The following CPAMD8 variants were observed in gnomAD, a reference collection of about 807,000 sequenced individuals.
CPAMD8 encodes the protein C3 and PZP like alpha-2-macroglobulin domain containing 8.
Under a neutral mutation model 224.7 loss-of-function variants are expected in CPAMD8, and 146 were observed. That is an observed-to-expected ratio of 0.65 (90% CI 0.57 to 0.75). The LOEUF (loss-of-function observed/expected upper bound fraction) is 0.75. Among genes scored for constraint, CPAMD8 ranks in the 30% least tolerant of loss-of-function variants. The pLI is 0.00. For synonymous variants in CPAMD8, 966 were observed against 1,044.6 expected (o/e 0.92, Z 1.45); for missense variants, 2,301 against 2,537.5 (o/e 0.91, Z 2.00).
chr19:16,938,082 C>G (rs147312845), intron 23 of CPAMD8, among the ~76,000 whole-genome samples: 1 of 152,186 alleles, frequency 6.6e-6, no homozygotes, highest in South Asian at 2.1e-4. Context: ...CCACCGTGCC[C>G]GGGCAGCCTA....
At chr19:16,914,260 C>T (rs2052845024) in intron 29 of CPAMD8, among the ~76,000 whole-genome samples, 164 bp downstream of exon 29, 2 of 151,964 alleles carry the variant, frequency 1.3e-5, no homozygotes, top group African/African-American at 4.8e-5. Flanking sequence ...TTACAAGAAA[C>T]TGGATGTAAT....
Position 17,022,201 on chromosome 19 carries a change from A to G in CPAMD8, c.93-20T>C, listed in dbSNP as rs762939623. 1.1e-5 allele frequency: 17 copies of G among 1,605,320 alleles called. No individual in the cohort carries two copies. Among genetic ancestry groups the G allele is most frequent in the Non-Finnish European group, 1.4e-5 (16 of 1,175,612 alleles). ...TAACCCCTGCAGGAAAGGAGATCCG[A>G]GGTGAAGTTCTCACCCCAGACCCCT... On this transcript the variant is annotated intron_variant, in intron 1 of 41. Coordinates refer to ENST00000443236, the MANE Select transcript of CPAMD8 (RefSeq NM_015692.5).
chr19:16,927,510 C>G (rs1015072215), intron 25 of CPAMD8, among the ~76,000 whole-genome samples: 1 of 152,078 alleles, frequency 6.6e-6, no homozygotes, highest in Admixed American at 6.5e-5. Context: ...CCTACAGACC[C>G]CCTAAGGCTG....
chr19:16,985,410 GGAAAGAAAGAAAGGAGGAAAAGAA>G (rs2055683477), intron 13 of CPAMD8, among the ~76,000 whole-genome samples: 1 of 147,728 alleles, frequency 6.8e-6, no homozygotes, highest in Admixed American at 6.8e-5. Flanking sequence ...GATGGGTGGA[GGAAAGAAAGAAAGGAGGAAAAGAA>G]GGAGGGAGAG....
intron 1 of CPAMD8, among the ~76,000 whole-genome samples, chr19:17,023,365 C>T (rs988853288): frequency 6.6e-6 from 1 of 152,096 alleles, no homozygotes; most frequent in African/African-American, 2.4e-5. Context: ...CCAGTATCTG[C>T]AGCCTTCCAT....
rs565572619 is a variant in CPAMD8 at position 16,896,312 on chromosome 19, C to T, written c.5290G>A (p.Ala1764Thr). 6.2e-7 allele frequency: 1 copy of T among 1,607,396 alleles called. No individual in the cohort carries two copies. Among genetic ancestry groups the T allele is most frequent in the Admixed American group, 1.7e-5 (1 of 59,372 alleles). ...SCCALEQRLP[A>T]SSSSTYGDDL... ...TCCCCGTAGGTGGAGGACGACGAGG[C>T]CGGCAGCCGCTGCTCTGGAAGGAAG... Residue 1764 changes from alanine to threonine, a missense_variant, in exon 41 of 42, where the codon GCC becomes ACC. By Grantham distance (58) the Ala-to-Thr change is moderately conservative (BLOSUM62 0). Transcript: ENST00000443236.
intron 25 of CPAMD8, among the ~76,000 whole-genome samples, chr19:16,927,532 C>T (rs2053406435): frequency 6.6e-6 from 1 of 152,054 alleles, no homozygotes. Context: ...TTCCAATGTC[C>T]CTAGTCAGAG....
At chr19:17,003,502 A>C (rs977354600) in intron 8 of CPAMD8, among the ~76,000 whole-genome samples, 1 of 151,702 alleles carries the variant, frequency 6.6e-6, no homozygotes, top group Non-Finnish European at 1.5e-5. Flanking sequence ...TGCCTGGCCT[A>C]CAATACTTTT....
chr19:17,026,076 TA>T (rs1157226885), intron 1 of CPAMD8, among the ~76,000 whole-genome samples: 1 of 152,130 alleles, frequency 6.6e-6, no homozygotes. Flanking sequence ...CCCCAGCAGT[TA>T]GTTAATTCAC....
chr19:17,008,677 C>T (rs1248250568), intron 6 of CPAMD8, 118 bp from the exon 7 acceptor site: 1 of 1,152,888 alleles, frequency 8.7e-7, no homozygotes, highest in Non-Finnish European at 1.3e-6. Flanking sequence ...CAGCGAAGGT[C>T]CCAAGATTAA....
chr19:16,918,770 GA>G (rs2053058524), intron 27 of CPAMD8, among the ~76,000 whole-genome samples: 1 of 122,794 alleles, frequency 8.1e-6, no homozygotes, highest in Admixed American at 8.8e-5. Context: ...TTTTTTTTCT[GA>G]ATAGTTTCGA....
Position 17,026,554 on chromosome 19 carries a change from G to A in CPAMD8, c.89C>T (p.Ala30Val). Residue 30 changes from alanine to valine, a missense_variant, in exon 1 of 42, where the codon GCC (alanine) becomes GTC (valine). Coordinates refer to ENST00000443236, the MANE Select transcript of CPAMD8 (RefSeq NM_015692.5). ...RDGVRAAQPQ[A>V]PGYLIAAPSV... ...TCTGTCGCCGGAGGATACTCACGGG[G>A]CCTGAGGCTGCGCGGCGCGCACGCC... is the stretch of plus-strand genomic sequence containing the variant. 6.6e-7 allele frequency: 1 copy of A among 1,519,554 alleles called. No homozygotes were observed. 94.1% of individuals were successfully genotyped at this position (1,519,554 alleles called of 1,614,324 possible). A position where few individuals can be genotyped will look rare whatever the true frequency, so the allele number is the denominator to read the frequency against.
Position 16,989,643 on chromosome 19 carries a change from C to G in CPAMD8, c.1395G>C (p.Gln465His), listed in dbSNP as rs766894795. The G allele has an allele frequency of 6.2e-7, 1 of 1,613,190 alleles. No individual in the cohort carries two copies. The change falls in exon 13 of 42, where the codon CAG (glutamine) becomes CAC (histidine). Residue 465 changes from glutamine (Q) to histidine (H), a missense_variant and splice_region_variant. Physicochemically the swap from Gln to His is conservative, Grantham distance 24 (BLOSUM62 0). This residue lies in a region of CPAMD8 where 301 missense variants were observed against 406.6 expected (regional missense o/e 0.74). Transcript: ENST00000443236. The stretch of plus-strand genomic sequence containing the variant: ...GAAGGGTAGCTCCTGAAAATCTTAC[C>G]TGCAGTGGGTGGGAGGGTGGCTGCA... ...LQLQPPSHPL[Q>H]VGEEAYFSVK...
chr19:16,997,428 T>C (rs1421761872), intron 10 of CPAMD8, 90 bp from the exon 11 acceptor site: 4 of 774,284 alleles, frequency 5.2e-6, no homozygotes, highest in South Asian at 4.7e-5. Flanking sequence ...GGTGCAAGAC[T>C]CTTCAGCTGC....
intron 3 of CPAMD8, among the ~76,000 whole-genome samples, chr19:17,016,582 G>T (rs1035827958): frequency 6.6e-6 from 1 of 152,100 alleles, no homozygotes; most frequent in African/African-American, 2.4e-5. Flanking sequence ...CCAACATGGT[G>T]AAACCCCACC....
Position 16,972,940 on chromosome 19 carries a change from G to A in CPAMD8, c.2071-1907C>T, listed in dbSNP as rs144445842. Among the ~76,000 whole-genome samples the A allele has an allele frequency of 9.3e-3, 1,420 of 152,270 alleles. 28 individuals are homozygous for A. The highest frequency in any genetic ancestry group is 0.032 in the African/African-American group (1,340 of 41,562). On this transcript the variant is annotated intron_variant, in intron 17 of 41. Coordinates refer to ENST00000443236, the MANE Select transcript of CPAMD8 (RefSeq NM_015692.5). ...TCCCAGCACTTCGGGAGGCTAACGC[G>A]GGTGGATCCATTAAGCCCAGGAGTT...
At position 17,004,367 on chromosome 19, in the gene CPAMD8, G is replaced by T; in HGVS notation, c.579C>A (p.Phe193Leu). ...CCAACACAGGCTGGTCGGACAAGGGGAAGCTCATGTTGGTGATGCCTGTGT... is the reference window on the plus strand; with the variant it reads ...CCAACACAGGCTGGTCGGACAAGGGTAAGCTCATGTTGGTGATGCCTGTGT... ...PFCCGITNMS[F>L]PLSDQPVLGE... is the part of the protein sequence containing the mutation. The change falls in exon 8 of 42, where the codon TTC (phenylalanine) becomes TTA (leucine). Residue 193 changes from phenylalanine (F) to leucine (L), a missense_variant. This residue lies in a region of CPAMD8 where 283 missense variants were observed against 340.6 expected (regional missense o/e 0.83). Transcript: ENST00000443236. 2 of 1,612,962 alleles carry T rather than the reference G, an allele frequency of 1.2e-6. No homozygotes were observed. The highest frequency in any genetic ancestry group is 1.7e-6 in the Non-Finnish European group (2 of 1,178,994).
chr19:16,948,015 G>A (rs537459962), intron 20 of CPAMD8, among the ~76,000 whole-genome samples: 1 of 152,202 alleles, frequency 6.6e-6, no homozygotes, highest in South Asian at 2.1e-4. Flanking sequence ...ACTTGTGTGG[G>A]TGCATCATGT....
At position 16,899,916 on chromosome 19, in the gene CPAMD8, G is replaced by GTT. The variant is rs2052182860; in HGVS notation, c.4774-369_4774-368dup. On this transcript the variant is annotated intron_variant, in intron 36 of 41. Coordinates refer to ENST00000443236, the MANE Select transcript of CPAMD8 (RefSeq NM_015692.5). The surrounding 1 kb of genome is among the most constrained non-coding windows in gnomAD (Gnocchi z 5.4). ...GCCTGGGATTTTTTTTTTTTTTTCA[G>GTT]TTTTTGATTTAAAAAAATCCACACC... Among the ~76,000 whole-genome samples, 21 of 140,616 alleles carry GTT rather than the reference G, an allele frequency of 1.5e-4. No individual in the cohort carries two copies. The highest frequency in any genetic ancestry group is 5.3e-4 in the African/African-American group (20 of 37,582). The allele number at this position is 140,616 out of a possible 152,430, so 92.2% of individuals were successfully genotyped here. A position where few individuals can be genotyped will look rare whatever the true frequency, so the allele number is the denominator to read the frequency against.
Sources: gnomAD v4.1 joint callset for allele counts (sites outside exome capture counted in the v4.1 genomes callset) on GRCh38, gnomAD v4.1.1 for gene constraint, gnomAD v4.1.1 regional missense constraint, Gnocchi (gnomAD v3.1) non-coding constraint, MANE v1.5 for transcripts, NCBI Gene and HGNC (gene_info 2026-07-23, HGNC 2026-07-21) for gene names.